FAM13B: variants seen among roughly 807,000 people sequenced by gnomAD.
The protein encoded by FAM13B is protein FAM13B.
A neutral mutation model predicts 117.3 loss-of-function variants in FAM13B; 60 were observed. The observed-to-expected ratio is 0.51, with a 90% CI of 0.42 to 0.63. FAM13B has a LOEUF of 0.63. Among genes scored for constraint, FAM13B ranks in the 30% least tolerant of loss-of-function variants. The pLI, the probability that FAM13B is intolerant of heterozygous loss-of-function variation, is 0.00. For missense variants in FAM13B, 972 were observed against 1,091.9 expected, an observed-to-expected ratio of 0.89 and a Z score of 1.55; for synonymous variants, 332 against 356.1, an observed-to-expected ratio of 0.93 and a Z score of 0.76.
chr5:138,029,876 T>C (rs185876291), intron 1 of FAM13B, among the ~76,000 whole-genome samples: 10 of 152,352 alleles, frequency 6.6e-5, no homozygotes, highest in Non-Finnish European at 1.2e-4. Context: ...TAATAGAAAC[T>C]TGACAGACAT....
chr5:137,952,444 T>C (rs772503397), intron 17 of FAM13B, among the ~76,000 whole-genome samples, 184 bp downstream of exon 17: 5 of 152,170 alleles, frequency 3.3e-5, no homozygotes, highest in Non-Finnish European at 4.4e-5. Context: ...ACTACAGTAC[T>C]GTACTATAAC....
chr5:138,018,995 TGG>T lies in FAM13B; in HGVS notation c.115_116del (p.Pro39IlefsTer11), dbSNP rs1392073861. 1 of 1,614,178 alleles carries T rather than the reference TGG, an allele frequency of 6.2e-7. No individual in the cohort carries two copies. The highest frequency in any genetic ancestry group is 8.5e-7 in the Non-Finnish European group (1 of 1,180,012). On this transcript the variant is annotated frameshift_variant, in exon 3 of 24. Coordinates refer to ENST00000689681, the MANE Select transcript of FAM13B (RefSeq NM_001385994.1). LOFTEE classifies it high-confidence loss of function. ...QQGGHPDNEV[P>X]FIVRHVVDYI... ...AGTCCACAACGTGGCGGACTATGAA[TGG>T]AACCTCATTGTCTGGATGTCCTCCC... is the stretch of plus-strand genomic sequence containing the variant.
At chr5:138,004,175 C>T (rs1231267540) in intron 7 of FAM13B, among the ~76,000 whole-genome samples, 2 of 151,418 alleles carry the variant, frequency 1.3e-5, no homozygotes, top group Admixed American at 1.3e-4. Flanking sequence ...AGGCTGAGGC[C>T]AGAGAATCGC....
intron 10 of FAM13B, among the ~76,000 whole-genome samples, chr5:137,969,343 G>A (rs953719529): frequency 9.9e-5 from 15 of 152,216 alleles, no homozygotes; most frequent in Non-Finnish European, 2.2e-4. Flanking sequence ...ACCCCCAGCA[G>A]GGGCAGACTG....
At chr5:138,018,149 T>C (rs1482415748) in intron 4 of FAM13B, among the ~76,000 whole-genome samples, 153 bp downstream of exon 4, 5 of 152,178 alleles carry the variant, frequency 3.3e-5, no homozygotes, top group Non-Finnish European at 7.3e-5. Context: ...GCCTTTCCTA[T>C]GACAAGATCA....
intron 1 of FAM13B, among the ~76,000 whole-genome samples, chr5:138,049,181 A>G (rs1447014622): frequency 2.0e-5 from 3 of 152,158 alleles, no homozygotes; most frequent in African/African-American, 7.2e-5. Flanking sequence ...GCCTTAAGCA[A>G]TCTGCCTGCC....
At chr5:138,044,624 G>A (rs570864828) in intron 1 of FAM13B, among the ~76,000 whole-genome samples, 28 of 150,554 alleles carry the variant, frequency 1.9e-4, no homozygotes, top group African/African-American at 4.4e-4. Flanking sequence ...ACCTTTTCAC[G>A]GTACAGTAAG....
chr5:137,971,560 G>C (rs1772158954), intron 10 of FAM13B, among the ~76,000 whole-genome samples: 2 of 150,462 alleles, frequency 1.3e-5, no homozygotes, highest in Non-Finnish European at 3.0e-5. Flanking sequence ...AACTAGAAAA[G>C]CAAGAGCAAA....
chr5:137,991,531 T>C (rs1054819831), intron 7 of FAM13B, among the ~76,000 whole-genome samples: 5 of 152,228 alleles, frequency 3.3e-5, no homozygotes, highest in Non-Finnish European at 7.3e-5. Flanking sequence ...GTTGGAGATC[T>C]ATACTTTATC....
chr5:138,019,370 T>C (rs897698016), intron 2 of FAM13B, among the ~76,000 whole-genome samples: 1 of 152,244 alleles, frequency 6.6e-6, no homozygotes, highest in Admixed American at 6.5e-5. Flanking sequence ...AGTGTTTGCA[T>C]ACTTATCAAA....
chr5:138,005,125 T>C (rs1782225494), intron 7 of FAM13B, among the ~76,000 whole-genome samples: 1 of 152,126 alleles, frequency 6.6e-6, no homozygotes, highest in African/African-American at 2.4e-5. Flanking sequence ...TAGTCTCAGC[T>C]ACTTGGGAAG....
At chr5:138,013,697 T>C (rs1477956299) in intron 4 of FAM13B, among the ~76,000 whole-genome samples, 3 of 152,166 alleles carry the variant, frequency 2.0e-5, no homozygotes, top group Non-Finnish European at 2.9e-5. Context: ...ACTGGACCTA[T>C]AACTGATGAG....
intron 10 of FAM13B, among the ~76,000 whole-genome samples, chr5:137,973,308 A>G (rs200151372): frequency 1.3e-5 from 2 of 152,146 alleles, no homozygotes; most frequent in African/African-American, 4.8e-5. Flanking sequence ...AATGCTGCAT[A>G]TCTACAACTA....
chr5:137,959,281 T>G (rs1205616845), intron 13 of FAM13B, among the ~76,000 whole-genome samples: 1 of 152,234 alleles, frequency 6.6e-6, no homozygotes, highest in African/African-American at 2.4e-5. Context: ...TCCCTAAGCC[T>G]TAACATACTG....
At chr5:138,043,718 G>A (rs1432991055) in intron 1 of FAM13B, among the ~76,000 whole-genome samples, 3 of 151,866 alleles carry the variant, frequency 2.0e-5, no homozygotes, top group African/African-American at 2.4e-5. Context: ...AATTATAGGC[G>A]TCAGCCACCG....
chr5:138,043,291 A>G (rs1422413108), intron 1 of FAM13B, among the ~76,000 whole-genome samples: 3 of 152,138 alleles, frequency 2.0e-5, no homozygotes, highest in Admixed American at 1.3e-4. Flanking sequence ...GCTTGAGGCC[A>G]GGTCAAAGCT....
At chr5:138,051,023 G>T (rs1244168322) in intron 1 of FAM13B, among the ~76,000 whole-genome samples, 2 of 150,396 alleles carry the variant, frequency 1.3e-5, no homozygotes, top group Non-Finnish European at 3.0e-5. Context: ...CATATTAGTG[G>T]GGGGGGGAGA....
Position 137,940,087 on chromosome 5 carries a change from T to C in FAM13B, c.*138A>G. The C allele has an allele frequency of 1.2e-6, 2 of 1,614,158 alleles. No homozygotes were observed. The highest frequency in any genetic ancestry group is 2.2e-5 in the South Asian group (2 of 91,078). ...TTACTCTCCCATCATTTGTTTTGTT[T>C]AGTGGCACCACAACCAAGTACAAAA... On this transcript the variant is annotated 3_prime_UTR_variant, in exon 24 of 24. Transcript: ENST00000689681.
chr5:138,008,580 A>G (rs1212840031), intron 6 of FAM13B, among the ~76,000 whole-genome samples: 2 of 152,218 alleles, frequency 1.3e-5, no homozygotes, highest in Admixed American at 6.5e-5. Context: ...TAAAATGGAG[A>G]TGCTATACTA....
Sources: gnomAD v4.1 joint callset for allele counts (sites outside exome capture counted in the v4.1 genomes callset) on GRCh38, gnomAD v4.1.1 for gene constraint, MANE v1.5 for transcripts, NCBI Gene and HGNC (gene_info 2026-07-23, HGNC 2026-07-21) for gene names.